Variants in ARAP2 observed in about 807,000 individuals in gnomAD.
ARAP2 encodes ArfGAP with RhoGAP domain, ankyrin repeat and PH domain 2, also known as arf-GAP with Rho-GAP domain, ANK repeat and PH domain-containing protein 2.
A neutral mutation model predicts 194.5 loss-of-function variants in ARAP2; 148 were observed. The ratio of observed to expected loss-of-function variants is 0.76; its 90% CI spans 0.67 to 0.87. ARAP2 has a LOEUF of 0.87. ARAP2 is among the 40% of genes least tolerant of loss of function. ARAP2 has a pLI of 0.00. For missense variants in ARAP2, 2,128 were observed against 1,989.7 expected (o/e 1.07, Z -1.32); for synonymous variants, 695 against 683.5 (o/e 1.02, Z -0.26).
intron 2 of ARAP2, among the ~76,000 whole-genome samples, chr4:36,228,088 CTT>C (rs1750711049): frequency 1.3e-5 from 2 of 152,160 alleles, no homozygotes; most frequent in African/African-American, 4.8e-5. Flanking sequence ...CCGTATTCCT[CTT>C]TGCATCCTTC....
chr4:36,011,433 A>G (rs1449303911), intron 9 of ARAP2, among the ~76,000 whole-genome samples: 3 of 152,202 alleles, frequency 2.0e-5, no homozygotes, highest in Admixed American at 6.5e-5. Flanking sequence ...TCTGATTAGT[A>G]TATTAAGGCC....
intron 27 of ARAP2, among the ~76,000 whole-genome samples, chr4:36,099,231 T>C (rs1373634755): frequency 1.3e-5 from 2 of 152,122 alleles, no homozygotes; most frequent in East Asian, 3.9e-4. Flanking sequence ...ATGGACATGA[T>C]CTCATTCCTT....
intron 9 of ARAP2, among the ~76,000 whole-genome samples, chr4:36,010,249 A>C (rs1435803254): frequency 3.0e-4 from 46 of 151,480 alleles, no homozygotes; most frequent in Admixed American, 3.0e-3. Flanking sequence ...ATAGGTGAGC[A>C]TTTTTAGAAA....
intron 5 of ARAP2, among the ~76,000 whole-genome samples, chr4:36,044,373 G>A (rs974567360): frequency 5.9e-5 from 9 of 152,296 alleles, no homozygotes; most frequent in African/African-American, 1.9e-4. Flanking sequence ...GTTTGCTATT[G>A]AGATATTGGG....
intron 1 of ARAP2, among the ~76,000 whole-genome samples, chr4:36,242,109 T>G (rs1753632975): frequency 6.6e-6 from 1 of 152,202 alleles, no homozygotes; most frequent in Admixed American, 6.5e-5. Context: ...AAGTAATAAC[T>G]AAAATGATAA....
intron 19 of ARAP2, among the ~76,000 whole-genome samples, chr4:36,136,965 C>T (rs1417556867): frequency 2.6e-5 from 4 of 151,244 alleles, no homozygotes; most frequent in Middle Eastern, 3.4e-3. Flanking sequence ...CACATATACA[C>T]GTATATATGT....
At chr4:36,072,479 C>G (rs957268278) in intron 32 of ARAP2, among the ~76,000 whole-genome samples, 2 of 151,728 alleles carry the variant, frequency 1.3e-5, no homozygotes, top group Non-Finnish European at 2.9e-5. Flanking sequence ...TTTGCTTTGC[C>G]GATAATTGAT....
At chr4:36,208,186 T>C (rs895099744) in intron 6 of ARAP2, among the ~76,000 whole-genome samples, 9 of 152,170 alleles carry the variant, frequency 5.9e-5, no homozygotes, top group African/African-American at 1.9e-4. Flanking sequence ...AGGGCTTAAA[T>C]GCAAAGGAGA....
At chr4:36,063,731 T>C (rs74391043), downstream of ARAP2, among the ~76,000 whole-genome samples, 517 of 152,352 alleles carry the variant, frequency 3.4e-3, 2 homozygotes, top group African/African-American at 0.012. Flanking sequence ...TTGTTCCACC[T>C]CCTTAACTTA....
intron 6 of ARAP2, among the ~76,000 whole-genome samples, chr4:36,204,778 C>A (rs1303783196): frequency 6.6e-6 from 1 of 151,792 alleles, no homozygotes; most frequent in African/African-American, 2.4e-5. Context: ...ATCACGAGGT[C>A]AGGAGTTCAA....
At chr4:36,027,053 C>T (rs367904754) in intron 5 of ARAP2, among the ~76,000 whole-genome samples, 2 of 152,136 alleles carry the variant, frequency 1.3e-5, no homozygotes, top group East Asian at 1.9e-4. Context: ...GGGACTAATC[C>T]GAGTGTGAAC....
chr4:36,229,625 G>C lies in ARAP2; in HGVS notation c.-139C>G. 1.6e-6 allele frequency: 1 copy of C among 625,010 alleles called. No homozygotes were observed. Among genetic ancestry groups the C allele is most frequent in the Admixed American group, 3.0e-5 (1 of 33,628 alleles). The allele number at this position is 625,010 out of a possible 1,614,324, so 38.7% of individuals were successfully genotyped here. The stretch of plus-strand genomic sequence containing the variant: ...CTTAAAATGTTATTTTCTTCACAGT[G>C]ACTGCTTTACCTGCTTAAGCCTAGA... On this transcript the variant is annotated 5_prime_UTR_variant, in exon 2 of 33. Transcript: ENST00000303965.
intron 5 of ARAP2, among the ~76,000 whole-genome samples, chr4:36,030,202 A>C (rs1294713379): frequency 2.0e-5 from 3 of 151,948 alleles, no homozygotes; most frequent in African/African-American, 7.2e-5. Context: ...CTTGGCTCAC[A>C]CTTTTCTTTC....
At chr4:36,221,125 C>T (rs1749080802) in intron 2 of ARAP2, among the ~76,000 whole-genome samples, 1 of 152,076 alleles carries the variant, frequency 6.6e-6, no homozygotes, top group Non-Finnish European at 1.5e-5. Context: ...CAATTTCCTA[C>T]AGTTCAGTAC....
intron 5 of ARAP2, among the ~76,000 whole-genome samples, chr4:36,043,698 C>T (rs1333675416): frequency 1.3e-5 from 2 of 150,054 alleles, no homozygotes; most frequent in Non-Finnish European, 3.0e-5. Context: ...GGCTGTAGTG[C>T]CCTGTGATCG....
chr4:36,156,024 G>A (rs1732201433), intron 15 of ARAP2, among the ~76,000 whole-genome samples: 1 of 152,084 alleles, frequency 6.6e-6, no homozygotes, highest in African/African-American at 2.4e-5. Context: ...GCTCATGCCT[G>A]TAATCCCAGC....
In ARAP2 at chr4:36,128,550, T is replaced by C. The variant is rs1724566763; in HGVS notation, c.3623A>G (p.Tyr1208Cys). 1.9e-6 allele frequency: 3 copies of C among 1,611,230 alleles called. No individual in the cohort carries two copies. The highest frequency in any genetic ancestry group is 2.2e-5 in the East Asian group (1 of 44,626). Residue 1208 changes from tyrosine to cysteine, a missense_variant, in exon 21 of 33, where the codon TAT becomes TGT. Transcript: ENST00000303965. ...DALLTKELYP[Y>C]WISALDTQDD... ...AATATTACCTAAAGCAGAGATCCAATATGGGTAGAGCTCCTTAGTAAGCAG... is the reference window on the plus strand; with the variant it reads ...AATATTACCTAAAGCAGAGATCCAACATGGGTAGAGCTCCTTAGTAAGCAG...
intron 24 of ARAP2, among the ~76,000 whole-genome samples, chr4:36,117,572 T>C (rs1199003623): frequency 6.6e-6 from 1 of 151,616 alleles, no homozygotes; most frequent in Admixed American, 6.6e-5. Context: ...ATGATACCAA[T>C]ATTTAAAAGG....
chr4:36,221,596 CA>C (rs1749182574), intron 2 of ARAP2, among the ~76,000 whole-genome samples: 1 of 151,638 alleles, frequency 6.6e-6, no homozygotes, highest in Non-Finnish European at 1.5e-5. Context: ...TTGGTTTTAC[CA>C]ATAAATAAAA....
Sources: gnomAD v4.1 joint callset for allele counts (sites outside exome capture counted in the v4.1 genomes callset) on GRCh38, gnomAD v4.1.1 for gene constraint, MANE v1.5 for transcripts, NCBI Gene and HGNC (gene_info 2026-07-23, HGNC 2026-07-21) for gene names.